TBC1D8: variants seen among roughly 807,000 people sequenced by gnomAD.
The protein encoded by TBC1D8 is BUB2-like protein 1.
In TBC1D8, 65 loss-of-function variants were observed where a neutral mutation model predicts 118.8. The observed-to-expected ratio is 0.55, with a 90% CI of 0.45 to 0.67. The LOEUF (loss-of-function observed/expected upper bound fraction) is 0.67. TBC1D8 is among the 30% of genes least tolerant of loss of function. The pLI is 0.00. For synonymous variants in TBC1D8, 566 were observed against 595.8 expected (o/e 0.95, Z 0.73); for missense variants, 1,376 against 1,471.2 (o/e 0.94, Z 1.06).
intron 1 of TBC1D8, among the ~76,000 whole-genome samples, chr2:101,146,968 G>A (rs548420729): frequency 6.6e-6 from 1 of 152,236 alleles, no homozygotes; most frequent in South Asian, 2.1e-4. Flanking sequence ...TTGTCTTTCT[G>A]TGCCTGGCTT....
rs143798770 is a variant in TBC1D8 at position 101,052,442 on chromosome 2, G to A, written c.631+1666C>T. On this transcript the variant is annotated intron_variant, in intron 4 of 19. Coordinates refer to ENST00000409318, the MANE Select transcript of TBC1D8 (RefSeq NM_001330348.2). ...TGCAGAACACCTGAAAATCAGAAAT[G>A]TCACCACATATTAGGAATCATTTAT... Among the ~76,000 whole-genome samples the A allele has an allele frequency of 2.2e-3, 338 of 151,126 alleles. 2 individuals carry two copies. The highest frequency in any genetic ancestry group is 7.8e-3 in the African/African-American group (322 of 41,092).
chr2:101,115,318 G>C (rs912492802), intron 1 of TBC1D8, among the ~76,000 whole-genome samples: 1 of 152,198 alleles, frequency 6.6e-6, no homozygotes, highest in African/African-American at 2.4e-5. Flanking sequence ...ATAAGATGGA[G>C]TGGAGGAGAC....
rs763335688 is a variant in TBC1D8 at position 101,038,513 on chromosome 2, T to C, written c.1223A>G (p.Gln408Arg). ...GTGCACGGGGTGGTTGGCGTGGACC[T>C]GCTTCAACCTCGCAAGCAGCGCCTC... ...LVEALLARLK[Q>R]VHANHPVHYD... The change falls in exon 7 of 20, where the codon CAG (glutamine) becomes CGG (arginine). Residue 408 changes from glutamine (Q) to arginine (R), a missense_variant. Gln to Arg is a conservative substitution (Grantham distance 43). Transcript: ENST00000409318. 1.2e-6 allele frequency: 2 copies of C among 1,613,814 alleles called. No individual in the cohort carries two copies. Among genetic ancestry groups the C allele is most frequent in the Non-Finnish European group, 1.7e-6 (2 of 1,179,888 alleles).
intron 1 of TBC1D8, among the ~76,000 whole-genome samples, chr2:101,105,427 A>T (rs1677137696): frequency 6.6e-6 from 1 of 151,896 alleles, no homozygotes; most frequent in African/African-American, 2.4e-5. Context: ...TGTCTCTACT[A>T]AAAATACAAA....
At chr2:101,040,972 G>C (rs1440070992) in intron 5 of TBC1D8, among the ~76,000 whole-genome samples, 1 of 152,188 alleles carries the variant, frequency 6.6e-6, no homozygotes, top group Non-Finnish European at 1.5e-5. Flanking sequence ...ATTCCTTCCT[G>C]GTTTGAGTAA....
intron 17 of TBC1D8, 79 bp downstream of exon 17, chr2:101,021,602 A>C: frequency 1.0e-6 from 1 of 989,684 alleles, no homozygotes; most frequent in Non-Finnish European, 1.5e-6. Flanking sequence ...TAAAAAGAGA[A>C]GAGCTTCAGA....
intron 19 of TBC1D8, among the ~76,000 whole-genome samples, chr2:101,008,686 C>T (rs1228322509): frequency 1.3e-5 from 2 of 152,096 alleles, no homozygotes; most frequent in East Asian, 3.9e-4. Context: ...GTGACCCATG[C>T]CTGCAATCCC....
chr2:101,078,313 CAA>C (rs1050515663), intron 2 of TBC1D8, among the ~76,000 whole-genome samples: 7 of 152,116 alleles, frequency 4.6e-5, no homozygotes, highest in Admixed American at 2.0e-4. Flanking sequence ...TTTCTTGACT[CAA>C]AGAGACTTTA....
At chr2:101,143,291 G>T (rs558251882) in intron 1 of TBC1D8, among the ~76,000 whole-genome samples, 1 of 152,012 alleles carries the variant, frequency 6.6e-6, no homozygotes. Context: ...TCGAACTGCT[G>T]ACCTCGTGAT....
intron 15 of TBC1D8, 122 bp downstream of exon 15, chr2:101,027,261 A>G: frequency 2.4e-6 from 2 of 818,846 alleles, no homozygotes; most frequent in Non-Finnish European, 4.0e-6. Flanking sequence ...CAAGGGGGGC[A>G]GCTCCGGCCT....
At chr2:101,105,578 A>C (rs975753079) in intron 1 of TBC1D8, among the ~76,000 whole-genome samples, 1 of 143,396 alleles carries the variant, frequency 7.0e-6, no homozygotes, top group Non-Finnish European at 1.5e-5. Flanking sequence ...GACAGACCAG[A>C]CTCTGTCTCA....
chr2:101,116,912 A>G (rs753438841), intron 1 of TBC1D8, among the ~76,000 whole-genome samples: 3 of 152,132 alleles, frequency 2.0e-5, no homozygotes, highest in Admixed American at 6.5e-5. Flanking sequence ...AAGTGCTGAG[A>G]TTACAGGTGT....
At chr2:101,145,043 T>C (rs1032799497) in intron 1 of TBC1D8, among the ~76,000 whole-genome samples, 3 of 152,220 alleles carry the variant, frequency 2.0e-5, no homozygotes, top group Admixed American at 6.5e-5. Flanking sequence ...GTAAATGAAT[T>C]CTTTACAAGC....
At chr2:101,043,256 T>C (rs895691820) in intron 5 of TBC1D8, among the ~76,000 whole-genome samples, 1 of 152,148 alleles carries the variant, frequency 6.6e-6, no homozygotes, top group African/African-American at 2.4e-5. Flanking sequence ...AAAAGCACCA[T>C]AAACGCTCTA....
chr2:101,111,678 T>C (rs1223312595), intron 1 of TBC1D8, among the ~76,000 whole-genome samples: 3 of 152,204 alleles, frequency 2.0e-5, no homozygotes, highest in Non-Finnish European at 2.9e-5. Flanking sequence ...CGAGTTACGC[T>C]ACCTGGACTG....
chr2:101,038,672 A>G lies in TBC1D8; in HGVS notation c.1081-17T>C, dbSNP rs900612596. 1.9e-6 allele frequency: 3 copies of G among 1,612,658 alleles called. No individual in the cohort carries two copies. The highest frequency in any genetic ancestry group is 2.5e-6 in the Non-Finnish European group (3 of 1,179,158). ...GCTCACCACCTGCGCGAGAGGCAAC[A>G]TGCAGGGACAGAAGGGCGGGAGGAA... is the stretch of plus-strand genomic sequence containing the variant. On this transcript the variant is annotated splice_polypyrimidine_tract_variant and intron_variant, in intron 6 of 19. Transcript: ENST00000409318.
At chr2:101,008,324 AT>A (rs200543793) in intron 19 of TBC1D8, 51 bp from the exon 20 acceptor site, 20,617 of 1,116,846 alleles carry the variant, frequency 0.018, 1 homozygote, top group South Asian at 0.029. Flanking sequence ...TGGAAGTGTC[AT>A]TTTTTTTTTT....
rs768083329 is a variant in TBC1D8 at position 101,090,279 on chromosome 2, G to A, written c.213C>T (p.Ser71=). ...CACATGCTATGGGAGAATAAACCTGGGAGCCGGGAACTTGAAGCAGAATTC... is the reference window on the plus strand; with the variant it reads ...CACATGCTATGGGAGAATAAACCTGAGAGCCGGGAACTTGAAGCAGAATTC... ...PFRILLQVPG[S]QVYSPIACGE... The change falls in exon 2 of 20, where the codon TCC becomes TCT. Residue 71 remains serine (S), a synonymous_variant. Coordinates refer to ENST00000409318, the MANE Select transcript of TBC1D8 (RefSeq NM_001330348.2). 8.1e-6 allele frequency: 13 copies of A among 1,613,972 alleles called. No individual in the cohort carries two copies. Among genetic ancestry groups the A allele is most frequent in the Non-Finnish European group, 1.1e-5 (13 of 1,179,886 alleles).
chr2:101,118,974 C>T (rs1241044720), intron 1 of TBC1D8, among the ~76,000 whole-genome samples: 2 of 152,150 alleles, frequency 1.3e-5, no homozygotes, highest in Non-Finnish European at 2.9e-5. Context: ...GACACCACTA[C>T]ACTCCAGCCT....
Sources: allele counts gnomAD v4.1 joint callset (sites outside exome capture counted in the v4.1 genomes callset), GRCh38; gene constraint gnomAD v4.1.1; transcripts MANE v1.5; gene names NCBI Gene and HGNC (gene_info 2026-07-23, HGNC 2026-07-21).